AMBRA1: variants seen among roughly 807,000 people sequenced by gnomAD.
AMBRA1 encodes the protein autophagy and beclin 1 regulator 1.
Under a neutral mutation model 125.4 loss-of-function variants are expected in AMBRA1, and 47 were observed. The observed-to-expected ratio is 0.37, with a 90% CI of 0.30 to 0.48. The LOEUF is 0.48. AMBRA1 is among the 20% of genes least tolerant of loss of function. The pLI is 0.99. For missense variants in AMBRA1, 1,331 were observed against 1,693.4 expected (o/e 0.79, Z 3.76); for synonymous variants, 626 against 655.5 (o/e 0.95, Z 0.69).
intron 1 of AMBRA1, among the ~76,000 whole-genome samples, chr11:46,565,381 A>T (rs759380950): frequency 6.6e-6 from 1 of 152,150 alleles, no homozygotes; most frequent in Non-Finnish European, 1.5e-5. Flanking sequence ...TTGGGCATTT[A>T]TCCAGAAAAA....
chr11:46,592,959 T>G (rs1275567062), intron 1 of AMBRA1, among the ~76,000 whole-genome samples: 2 of 148,248 alleles, frequency 1.3e-5, no homozygotes, highest in African/African-American at 2.6e-5. Context: ...GGAAACAATG[T>G]AGACAACAAG....
At chr11:46,469,375 T>TA (rs992754776) in intron 11 of AMBRA1, among the ~76,000 whole-genome samples, 6 of 151,564 alleles carry the variant, frequency 4.0e-5, no homozygotes, top group Non-Finnish European at 7.4e-5. Flanking sequence ...AGTAAGGAGT[T>TA]AAAAAAAAGA....
At chr11:46,465,237 T>C (rs1590875611) in intron 11 of AMBRA1, among the ~76,000 whole-genome samples, 1 of 152,062 alleles carries the variant, frequency 6.6e-6, no homozygotes, top group Admixed American at 6.5e-5. Flanking sequence ...CAATAAAGGC[T>C]CATGCTCCTC....
rs56834227 is a variant in AMBRA1 at position 46,486,908 on chromosome 11, CATAAATAAATAAATAA to C, written c.2521+6684_2521+6699del. The stretch of plus-strand genomic sequence containing the variant: ...GTGACAGAACAAGACTCCATCTCAA[CATAAATAAATAAATAA>C]ATAAATAAATAAATAAATAAATAAA... On this transcript the variant is annotated intron_variant, in intron 11 of 17. Transcript: ENST00000683756. Among the ~76,000 whole-genome samples the C allele has an allele frequency of 5.3e-3, 735 of 139,308 alleles. 3 individuals carry two copies. The highest frequency in any genetic ancestry group is 0.03 in the Middle Eastern group (8 of 268). 91.4% of individuals were successfully genotyped at this position (139,308 alleles called of 152,430 possible). A position where few individuals can be genotyped will look rare whatever the true frequency, so the allele number is the denominator to read the frequency against.
At chr11:46,429,157 G>C in intron 14 of AMBRA1, 2 of 1,576,538 alleles carry the variant, frequency 1.3e-6, no homozygotes, top group Non-Finnish European at 1.7e-6. Flanking sequence ...ACATCTGGCA[G>C]GTCTCCGCCA....
chr11:46,468,715 G>C (rs1949439287), intron 11 of AMBRA1, among the ~76,000 whole-genome samples: 1 of 151,772 alleles, frequency 6.6e-6, no homozygotes, highest in East Asian at 1.9e-4. Context: ...AGGAGGCTGA[G>C]GCAGGAGAAT....
chr11:46,486,632 G>A (rs1217701265), intron 11 of AMBRA1, among the ~76,000 whole-genome samples: 1 of 152,130 alleles, frequency 6.6e-6, no homozygotes, highest in Non-Finnish European at 1.5e-5. Context: ...GAGGCTAGGT[G>A]CAGTGGCTCA....
At chr11:46,510,522 A>AT (rs1951217498) in intron 8 of AMBRA1, among the ~76,000 whole-genome samples, 1 of 152,230 alleles carries the variant, frequency 6.6e-6, no homozygotes, top group Admixed American at 6.5e-5. Context: ...CTGAAAAGTG[A>AT]TAAGTACACT....
At chr11:46,512,671 C>G in intron 8 of AMBRA1, 56 bp downstream of exon 8, 1 of 1,479,420 alleles carries the variant, frequency 6.8e-7, no homozygotes, top group Non-Finnish European at 9.4e-7. Context: ...AACAGTGTGG[C>G]AACCCCAAGG....
chr11:46,408,669 C>G lies in AMBRA1; in HGVS notation c.3247G>C (p.Gly1083Arg), dbSNP rs747657992. 1.3e-6 allele frequency: 2 copies of G among 1,582,268 alleles called. No individual in the cohort carries two copies. Among genetic ancestry groups the G allele is most frequent in the Non-Finnish European group, 1.7e-6 (2 of 1,161,590 alleles). Reference protein sequence around the residue: ...RATWRTDRDMGLMNAIGLQPR... With the variant: ...RATWRTDRDMRLMNAIGLQPR... ...TGAAGCCCAATGGCATTCATCAGCCCCATGTCTCTGTCTGTCCTCCATGTG... is the reference window on the plus strand; with the variant it reads ...TGAAGCCCAATGGCATTCATCAGCCGCATGTCTCTGTCTGTCCTCCATGTG... The change falls in exon 17 of 18, where the codon GGG becomes CGG. Residue 1083 changes from glycine to arginine, a missense_variant. Gly to Arg is a moderately radical substitution (Grantham distance 125, BLOSUM62 -2). Coordinates refer to ENST00000683756, the MANE Select transcript of AMBRA1 (RefSeq NM_001387011.1).
In AMBRA1 at chr11:46,407,133, C is replaced by G. The variant is rs558261657; in HGVS notation, c.3403+1380G>C. ...AGCGGTGGTTGCAGTGAGCTGAGAT[C>G]GCAGAGGCTGAAGTGAGCCGAGATC... On this transcript the variant is annotated intron_variant, in intron 17 of 17. Transcript: ENST00000683756. 3.3e-5 allele frequency among the ~76,000 whole-genome samples: 5 copies of G among 151,732 alleles called. No individual in the cohort carries two copies. In the South Asian group the frequency reaches 6.3e-4, roughly 19 times the overall value.
At chr11:46,589,960 T>C (rs2044533931) in intron 1 of AMBRA1, among the ~76,000 whole-genome samples, 1 of 151,968 alleles carries the variant, frequency 6.6e-6, no homozygotes, top group African/African-American at 2.4e-5. Flanking sequence ...TTCACCAATA[T>C]GCTTGAGGAC....
chr11:46,407,450 A>T (rs1946078291), intron 17 of AMBRA1, among the ~76,000 whole-genome samples: 1 of 152,142 alleles, frequency 6.6e-6, no homozygotes, highest in Non-Finnish European at 1.5e-5. Context: ...AACCTGCAAA[A>T]AAGGGCCTGA....
chr11:46,406,205 C>G (rs770806742), intron 17 of AMBRA1, among the ~76,000 whole-genome samples: 3 of 151,514 alleles, frequency 2.0e-5, no homozygotes, highest in African/African-American at 4.8e-5. Context: ...AGGTGCCCAC[C>G]ACCATGCCCG....
At chr11:46,446,603 G>A (rs940998539) in intron 11 of AMBRA1, among the ~76,000 whole-genome samples, 13 of 152,168 alleles carry the variant, frequency 8.5e-5, no homozygotes, top group Non-Finnish European at 1.0e-4. Context: ...TGTGTGAAGA[G>A]TCTTGTGCAT....
intron 8 of AMBRA1, among the ~76,000 whole-genome samples, chr11:46,510,483 AAAG>A (rs1321349807): frequency 6.6e-6 from 1 of 152,234 alleles, no homozygotes; most frequent in Non-Finnish European, 1.5e-5. Flanking sequence ...TCAAGAGGAG[AAAG>A]AAGACCCTTT....
chr11:46,543,176 G>T lies in AMBRA1; in HGVS notation c.841C>A (p.Arg281Ser). 9 of 1,570,712 alleles carry T rather than the reference G, an allele frequency of 5.7e-6. No homozygotes were observed. Among genetic ancestry groups the T allele is most frequent in the Non-Finnish European group, 6.9e-6 (8 of 1,159,818 alleles). ...CTGATGTAAGCGGAAGTCCTGGGGC[G>T]CTCCGTGGAGGGCTGAGGGGGAGGC... ...PPPPPQPSTE[R>S]PRTSAYIRLR... The change falls in exon 7 of 18, where the codon CGC becomes AGC. Residue 281 changes from arginine to serine, a missense_variant. Physicochemically the swap from Arg to Ser is moderately radical, Grantham distance 110 (BLOSUM62 -1). Transcript: ENST00000683756.
intron 7 of AMBRA1, among the ~76,000 whole-genome samples, chr11:46,538,114 T>C (rs1449576171): frequency 2.6e-5 from 4 of 152,218 alleles, no homozygotes; most frequent in Admixed American, 2.6e-4. Flanking sequence ...CCTGTTTGTC[T>C]TAGTGATTTA....
At chr11:46,534,409 C>A (rs527350356) in intron 7 of AMBRA1, among the ~76,000 whole-genome samples, 1 of 152,146 alleles carries the variant, frequency 6.6e-6, no homozygotes, top group African/African-American at 2.4e-5. Context: ...GCAAAAGAAT[C>A]ACTTGAACCC....
Sources: gnomAD v4.1 joint callset for allele counts (sites outside exome capture counted in the v4.1 genomes callset) on GRCh38, gnomAD v4.1.1 for gene constraint, MANE v1.5 for transcripts, NCBI Gene and HGNC (gene_info 2026-07-23, HGNC 2026-07-21) for gene names.